The following SLC35F4 variants were observed in gnomAD, a reference collection of about 807,000 sequenced individuals.
SLC35F4 encodes solute carrier family 35 member F4, also known as chromosome 14 open reading frame 36.
SLC35F4 carries 24 observed loss-of-function variants against 44.2 expected under a neutral mutation model. The observed-to-expected ratio is 0.54, with a 90% CI of 0.39 to 0.76. The LOEUF (loss-of-function observed/expected upper bound fraction) is 0.76. Ranked by LOEUF, SLC35F4 falls within the 30% of genes least tolerant of loss-of-function variation. The pLI is 0.00. For synonymous variants in SLC35F4, 238 were observed against 223.6 expected, an observed-to-expected ratio of 1.06 and a Z score of -0.57; for missense variants, 562 against 586.1, an observed-to-expected ratio of 0.96 and a Z score of 0.42.
intron 5 of SLC35F4, among the ~76,000 whole-genome samples, chr14:57,571,263 C>T (rs151235511): frequency 2.6e-5 from 4 of 152,000 alleles, no homozygotes; most frequent in Non-Finnish European, 2.9e-5. Flanking sequence ...GCAATGACTC[C>T]GAATAGAATT....
intron 1 of SLC35F4, chr14:57,630,636 A>C: frequency 1.3e-6 from 1 of 750,636 alleles, no homozygotes; most frequent in Admixed American, 1.9e-5. Flanking sequence ...GTCTATGTTT[A>C]GGTCAAAATC....
intron 1 of SLC35F4, among the ~76,000 whole-genome samples, chr14:57,887,139 C>T (rs1196243413): frequency 6.6e-6 from 1 of 152,208 alleles, no homozygotes; most frequent in African/African-American, 2.4e-5. Context: ...CCCTGAGGGA[C>T]TAGCACTGTA....
chr14:57,639,979 A>G (rs558958265), intron 1 of SLC35F4, among the ~76,000 whole-genome samples: 34 of 152,130 alleles, frequency 2.2e-4, no homozygotes, highest in African/African-American at 8.2e-4. Context: ...ACTCTTCTTC[A>G]AAGCCAACAA....
intron 1 of SLC35F4, among the ~76,000 whole-genome samples, chr14:57,669,698 A>G (rs2140266683): frequency 1.3e-5 from 2 of 152,152 alleles, no homozygotes; most frequent in East Asian, 1.9e-4. Context: ...ATCATGGTGG[A>G]TAAGCTTTTT....
chr14:57,792,822 CGT>C (rs2077959862), intron 1 of SLC35F4, among the ~76,000 whole-genome samples: 1 of 145,772 alleles, frequency 6.9e-6, no homozygotes, highest in Non-Finnish European at 1.5e-5. Context: ...CACTGGGTGC[CGT>C]GTTCATTGCT....
intron 4 of SLC35F4, chr14:57,578,613 G>T (rs9671923): frequency 0.44 from 67,403 of 151,570 alleles, 15,193 homozygotes; most frequent in Admixed American, 0.51. Context: ...TAAATTACAC[G>T]TTACCATTCT....
At chr14:57,660,752 C>T (rs2074113054) in intron 1 of SLC35F4, among the ~76,000 whole-genome samples, 2 of 152,090 alleles carry the variant, frequency 1.3e-5, no homozygotes, top group South Asian at 2.1e-4. Flanking sequence ...CGGCAAGAAA[C>T]TGAAGCCTCT....
intron 1 of SLC35F4, among the ~76,000 whole-genome samples, chr14:57,934,624 G>A (rs1376504253): frequency 6.6e-6 from 1 of 151,994 alleles, no homozygotes; most frequent in Non-Finnish European, 1.5e-5. Flanking sequence ...GCTGCATAGA[G>A]TCAGGCATTG....
Position 57,927,823 on chromosome 14 carries a change from C to A in SLC35F4, n.282+54090G>T, listed in dbSNP as rs114482422. On this transcript the variant is annotated intron_variant and non_coding_transcript_variant, in intron 1 of 1. Coordinates refer to the SLC35F4 transcript ENST00000556568. ...TTTTATTCTCTAACTATTACAGAATCTTTCACAGAACAAAAGTCTTTAAAT... is the reference window on the plus strand; with the variant it reads ...TTTTATTCTCTAACTATTACAGAATATTTCACAGAACAAAAGTCTTTAAAT... Among the ~76,000 whole-genome samples the A allele has an allele frequency of 2.9e-3, 436 of 152,172 alleles. 1 individual carries two copies. The highest frequency in any genetic ancestry group is 9.7e-3 in the African/African-American group (403 of 41,536).
intron 1 of SLC35F4, among the ~76,000 whole-genome samples, chr14:57,675,729 G>A (rs552876580): frequency 9.1e-4 from 139 of 152,128 alleles, no homozygotes; most frequent in African/African-American, 3.0e-3. Flanking sequence ...ATAAAGCAAT[G>A]CTGGATTTTA....
chr14:57,636,361 G>A (rs1031361591), intron 1 of SLC35F4, among the ~76,000 whole-genome samples: 2 of 151,992 alleles, frequency 1.3e-5, no homozygotes, highest in Admixed American at 6.6e-5. Context: ...TACCATGCAC[G>A]GTAGCTCTAC....
chr14:57,690,326 G>C (rs1324326221), intron 1 of SLC35F4, among the ~76,000 whole-genome samples: 1 of 152,192 alleles, frequency 6.6e-6, no homozygotes, highest in Non-Finnish European at 1.5e-5. Context: ...GGGAGAGATA[G>C]TTAATAAATA....
chr14:57,605,025 A>G (rs1366787003), intron 1 of SLC35F4, among the ~76,000 whole-genome samples: 3 of 152,212 alleles, frequency 2.0e-5, no homozygotes, highest in Non-Finnish European at 2.9e-5. Context: ...CCTAGGAAAT[A>G]CCCTTCTCAA....
intron 1 of SLC35F4, among the ~76,000 whole-genome samples, chr14:57,843,458 A>C (rs1411188924): frequency 6.6e-6 from 1 of 152,056 alleles, no homozygotes; most frequent in Non-Finnish European, 1.5e-5. Flanking sequence ...GAGTGCTGAG[A>C]AGGGAGTCTT....
chr14:57,968,752 A>C (rs779097945), intron 1 of SLC35F4, among the ~76,000 whole-genome samples: 1 of 152,208 alleles, frequency 6.6e-6, no homozygotes, highest in East Asian at 1.9e-4. Flanking sequence ...GAACCATCAC[A>C]CTAAAGATAC....
chr14:57,915,646 C>T (rs1238177056), intron 1 of SLC35F4, among the ~76,000 whole-genome samples: 1 of 147,890 alleles, frequency 6.8e-6, no homozygotes, highest in Non-Finnish European at 1.5e-5. Context: ...GGACACATTT[C>T]AGCCACGGTC....
intron 1 of SLC35F4, among the ~76,000 whole-genome samples, chr14:57,648,039 C>T (rs1285257902): frequency 1.3e-5 from 2 of 152,114 alleles, no homozygotes; most frequent in Non-Finnish European, 2.9e-5. Flanking sequence ...CTATGGTTCC[C>T]AAATGTCTTT....
chr14:57,858,447 A>C (rs1887344288), intron 1 of SLC35F4, among the ~76,000 whole-genome samples: 1 of 151,850 alleles, frequency 6.6e-6, no homozygotes, highest in Admixed American at 6.6e-5. Flanking sequence ...ACCAAACACT[A>C]CATGTTCTCA....
intron 1 of SLC35F4, among the ~76,000 whole-genome samples, chr14:57,698,045 C>T (rs1444719854): frequency 2.6e-5 from 4 of 152,172 alleles, no homozygotes; most frequent in African/African-American, 4.8e-5. Context: ...CAGTTCTTCA[C>T]ATGTAAAATG....
Sources: gnomAD v4.1 joint callset for allele counts (sites outside exome capture counted in the v4.1 genomes callset) on GRCh38, gnomAD v4.1.1 for gene constraint, MANE v1.5 for transcripts, NCBI Gene and HGNC (gene_info 2026-07-23, HGNC 2026-07-21) for gene names.